BMERB1: variants seen among roughly 807,000 people sequenced by gnomAD.
BMERB1 encodes bMERB domain containing 1, also known as bMERB domain-containing protein 1.
BMERB1 carries 12 observed loss-of-function variants against 23.6 expected under a neutral mutation model. The ratio of observed to expected loss-of-function variants is 0.51; its 90% CI spans 0.33 to 0.82. The LOEUF (loss-of-function observed/expected upper bound fraction) is 0.82. Ranked by LOEUF, BMERB1 falls within the 40% of genes least tolerant of loss-of-function variation. The probability of loss-of-function intolerance (pLI) is 0.03; values close to 1 mark genes in which losing one functional copy is unlikely to be tolerated. For missense variants in BMERB1, 247 were observed against 255.4 expected (o/e 0.97, Z 0.22); for synonymous variants, 122 against 96.6 (o/e 1.26, Z -1.54).
At chr16:15,540,091 G>A (rs539991897) in intron 2 of BMERB1, among the ~76,000 whole-genome samples, 1 of 152,192 alleles carries the variant, frequency 6.6e-6, no homozygotes, top group African/African-American at 2.4e-5. Flanking sequence ...AGGCTGCAGT[G>A]AGCTGATATC....
intron 3 of BMERB1, among the ~76,000 whole-genome samples, chr16:15,571,413 A>C (rs575124408): frequency 6.6e-6 from 1 of 150,486 alleles, no homozygotes; most frequent in Non-Finnish European, 1.5e-5. Context: ...GCTGGAGTGC[A>C]GTGGCGCGAT....
chr16:15,558,296 C>T (rs1232942421), intron 2 of BMERB1, among the ~76,000 whole-genome samples: 5 of 152,110 alleles, frequency 3.3e-5, no homozygotes, highest in Admixed American at 6.5e-5. Flanking sequence ...TCATACTTGC[C>T]TCCCTGAAGA....
At chr16:15,456,266 A>C (rs146058747) in intron 1 of BMERB1, among the ~76,000 whole-genome samples, 7 of 152,164 alleles carry the variant, frequency 4.6e-5, no homozygotes, top group African/African-American at 1.7e-4. Context: ...TGTACTAATC[A>C]GTCTTCTTTT....
chr16:15,439,976 G>A (rs949909276), intron 1 of BMERB1, among the ~76,000 whole-genome samples: 7 of 152,068 alleles, frequency 4.6e-5, no homozygotes, highest in Non-Finnish European at 7.4e-5. Context: ...TGGGTGTGGT[G>A]GCTCATGCCT....
chr16:15,583,929 C>G, intron 5 of BMERB1: 1 of 687,470 alleles, frequency 1.5e-6, no homozygotes, highest in Non-Finnish European at 2.6e-6. Flanking sequence ...GTTGTTCCTC[C>G]CTAATTGCAA....
intron 1 of BMERB1, among the ~76,000 whole-genome samples, chr16:15,463,270 T>TATATATATATATATATATATATATATA (rs2051152108): frequency 2.6e-5 from 4 of 151,562 alleles, no homozygotes; most frequent in African/African-American, 9.8e-5. Context: ...TATATATATA[T>TATATATATATATATATATATATATATA]TTTGTAGAGG....
At position 15,583,143 on chromosome 16, in the gene BMERB1, T is replaced by C. The variant is rs2031057126; in HGVS notation, c.420-13T>C. 2.5e-6 allele frequency: 4 copies of C among 1,597,086 alleles called. No individual in the cohort carries two copies. The highest frequency in any genetic ancestry group is 3.4e-6 in the Non-Finnish European group (4 of 1,164,428). On this transcript the variant is annotated splice_polypyrimidine_tract_variant and intron_variant, in intron 4 of 5. Transcript: ENST00000300006. ...TGTGTATCTTCTTTTCTTTTACCCATCTACTTTCACAGGGAGCAAGAAGAA... is the reference window on the plus strand; with the variant it reads ...TGTGTATCTTCTTTTCTTTTACCCACCTACTTTCACAGGGAGCAAGAAGAA...
chr16:15,440,190 A>C (rs1395227738), intron 1 of BMERB1, among the ~76,000 whole-genome samples: 1 of 143,148 alleles, frequency 7.0e-6, no homozygotes, highest in Non-Finnish European at 1.5e-5. Flanking sequence ...GGTTGCAGTG[A>C]GCCGAGATTG....
In BMERB1 at chr16:15,503,305, G is replaced by A. The variant is rs7201326; in HGVS notation, c.107-12000G>A. Among the ~76,000 whole-genome samples, 440 of 151,380 alleles carry A rather than the reference G, an allele frequency of 2.9e-3. 5 individuals are homozygous for A. The highest frequency in any genetic ancestry group is 0.01 in the African/African-American group (425 of 41,208). On this transcript the variant is annotated intron_variant, in intron 1 of 5. Coordinates refer to ENST00000300006, the MANE Select transcript of BMERB1 (RefSeq NM_033201.3). ...CCAAGGATTTTTTTTTTTTTGAGAC[G>A]GAGTCTCGCTCTGTTGCCCAGGCTG...
intron 1 of BMERB1, among the ~76,000 whole-genome samples, chr16:15,470,391 T>G (rs2051218373): frequency 6.6e-6 from 1 of 152,190 alleles, no homozygotes; most frequent in Non-Finnish European, 1.5e-5. Context: ...AGTATTTTGT[T>G]GAAAATTTTT....
chr16:15,517,985 GTGTGTGCA>G (rs977719990), intron 2 of BMERB1, among the ~76,000 whole-genome samples: 34 of 145,998 alleles, frequency 2.3e-4, no homozygotes, highest in African/African-American at 8.2e-4. Flanking sequence ...GCGTGTGGAT[GTGTGTGCA>G]TGTGTGGATG....
intron 1 of BMERB1, among the ~76,000 whole-genome samples, chr16:15,512,513 G>A (rs1294247314): frequency 6.6e-6 from 1 of 152,190 alleles, no homozygotes; most frequent in Non-Finnish European, 1.5e-5. Context: ...GGGAGGCTGA[G>A]GCAGGAGGAT....
intron 1 of BMERB1, among the ~76,000 whole-genome samples, chr16:15,487,222 G>A (rs1221031882): frequency 1.3e-5 from 2 of 151,956 alleles, no homozygotes; most frequent in Non-Finnish European, 2.9e-5. Context: ...CTTTAGTAAG[G>A]GTTTCTTCTA....
At chr16:15,500,574 G>A (rs539817119) in intron 1 of BMERB1, among the ~76,000 whole-genome samples, 2 of 152,316 alleles carry the variant, frequency 1.3e-5, no homozygotes, top group Admixed American at 6.5e-5. Context: ...GGAGATGAAT[G>A]GAGGGTCCCA....
intron 1 of BMERB1, among the ~76,000 whole-genome samples, chr16:15,499,658 TTTCCTTCCTCCCAG>T (rs2051508486): frequency 7.0e-6 from 1 of 141,974 alleles, no homozygotes; most frequent in Non-Finnish European, 1.6e-5. Context: ...TCTGCCTCCC[TTTCCTTCCTCCCAG>T]TTCCTTCCTA....
At chr16:15,515,808 ACT>A (rs896572275) in intron 2 of BMERB1, among the ~76,000 whole-genome samples, 2 of 151,990 alleles carry the variant, frequency 1.3e-5, no homozygotes, top group Admixed American at 6.6e-5. Context: ...GGTTACTTGG[ACT>A]CTCTGAATTT....
At chr16:15,462,972 C>T (rs577345851) in intron 1 of BMERB1, among the ~76,000 whole-genome samples, 1 of 152,112 alleles carries the variant, frequency 6.6e-6, no homozygotes, top group Admixed American at 6.5e-5. Flanking sequence ...CTGTAAACCG[C>T]GGAGAGTTTC....
At chr16:15,503,558 A>G (rs1016067471) in intron 1 of BMERB1, among the ~76,000 whole-genome samples, 4 of 150,680 alleles carry the variant, frequency 2.7e-5, no homozygotes, top group African/African-American at 9.8e-5. Flanking sequence ...TCGGCCTCCC[A>G]AAGTGCTGGG....
chr16:15,563,176 G>A (rs2030471723), intron 2 of BMERB1, among the ~76,000 whole-genome samples: 1 of 152,168 alleles, frequency 6.6e-6, no homozygotes, highest in Admixed American at 6.5e-5. Flanking sequence ...GAGCCAAGGA[G>A]TTGGCAACCA....
Sources: gnomAD v4.1 joint callset for allele counts (sites outside exome capture counted in the v4.1 genomes callset) on GRCh38, gnomAD v4.1.1 for gene constraint, MANE v1.5 for transcripts, NCBI Gene and HGNC (gene_info 2026-07-23, HGNC 2026-07-21) for gene names.